UST: variants seen among roughly 807,000 people sequenced by gnomAD.
UST encodes the protein uronyl 2-sulfotransferase.
Under a neutral mutation model 45.6 loss-of-function variants are expected in UST, and 21 were observed. The observed-to-expected ratio is 0.46, with a 90% confidence interval of 0.33 to 0.66. The LOEUF is 0.66. Ranked by LOEUF, UST falls within the 30% of genes least tolerant of loss-of-function variation. The pLI, the probability that UST is intolerant of heterozygous loss-of-function variation, is 0.02. For synonymous variants in UST, 215 were observed against 200.6 expected (o/e 1.07, Z -0.61); for missense variants, 463 against 512.4 (o/e 0.90, Z 0.93).
At chr6:149,056,402 C>T (rs558660201) in intron 7 of UST, among the ~76,000 whole-genome samples, 47 of 152,210 alleles carry the variant, frequency 3.1e-4, no homozygotes, top group Admixed American at 9.2e-4. Flanking sequence ...CCACCGCACC[C>T]GGCCTACCCC....
chr6:148,867,287 C>T (rs73602937), intron 1 of UST, among the ~76,000 whole-genome samples: 6,818 of 37,896 alleles, frequency 0.18, 320 homozygotes, highest in African/African-American at 0.33. Flanking sequence ...TTGTTGAATA[C>T]ACACACACAC....
chr6:148,935,301 A>G (rs1779998080), intron 2 of UST, among the ~76,000 whole-genome samples: 1 of 152,244 alleles, frequency 6.6e-6, no homozygotes, highest in Non-Finnish European at 1.5e-5. Context: ...TGGCCATAAA[A>G]TAGAAATCAC....
chr6:148,780,185 T>C (rs1214252953), intron 1 of UST, among the ~76,000 whole-genome samples: 1 of 152,098 alleles, frequency 6.6e-6, no homozygotes, highest in Non-Finnish European at 1.5e-5. Context: ...GTTCACTGTA[T>C]TGTACTTCAC....
intron 1 of UST, among the ~76,000 whole-genome samples, chr6:148,751,790 A>C (rs1420774561): frequency 6.6e-6 from 1 of 152,224 alleles, no homozygotes; most frequent in East Asian, 1.9e-4. Flanking sequence ...GAAAACAAAC[A>C]AAAAATCAAA....
chr6:149,021,806 C>T (rs1775985147), intron 7 of UST, among the ~76,000 whole-genome samples: 1 of 152,174 alleles, frequency 6.6e-6, no homozygotes, highest in Non-Finnish European at 1.5e-5. Context: ...TTTCCATCAG[C>T]CTTGTCTTGA....
intron 1 of UST, among the ~76,000 whole-genome samples, chr6:148,760,046 C>G (rs1260529301): frequency 6.6e-6 from 1 of 151,946 alleles, no homozygotes; most frequent in Admixed American, 6.6e-5. Flanking sequence ...TTCTTTGGAC[C>G]CAAACACTTA....
chr6:148,802,019 C>G (rs948216097), intron 1 of UST, among the ~76,000 whole-genome samples: 8 of 152,226 alleles, frequency 5.3e-5, no homozygotes, highest in African/African-American at 1.9e-4. Context: ...TAATACCTCA[C>G]AGACCCTTAA....
Position 148,765,898 on chromosome 6 carries a change from A to G in UST, c.247+18221A>G, listed in dbSNP as rs902426863. ...CTTCTACTATTATGTTGAATAGTGT[A>G]GTGGGAGTTGGCATTCTTGTCTTGT... On this transcript the variant is annotated intron_variant, in intron 1 of 7. Coordinates refer to ENST00000367463, the MANE Select transcript of UST (RefSeq NM_005715.3). Among the ~76,000 whole-genome samples, 3 of 152,164 alleles carry G rather than the reference A, an allele frequency of 2.0e-5. No individual in the cohort carries two copies. In the East Asian group the frequency reaches 5.8e-4, roughly 29 times the overall value.
chr6:149,029,189 G>C (rs1776097483), intron 7 of UST, among the ~76,000 whole-genome samples: 1 of 151,876 alleles, frequency 6.6e-6, no homozygotes, highest in African/African-American at 2.4e-5. Context: ...ATTGATTGCA[G>C]TAGTTCAAAC....
At chr6:148,952,793 A>G (rs1317907099) in intron 3 of UST, among the ~76,000 whole-genome samples, 1 of 152,236 alleles carries the variant, frequency 6.6e-6, no homozygotes, top group African/African-American at 2.4e-5. Flanking sequence ...ACATTCATCC[A>G]AAGTAGCAAG....
At chr6:149,043,896 A>G (rs906570893) in intron 7 of UST, among the ~76,000 whole-genome samples, 30 of 152,260 alleles carry the variant, frequency 2.0e-4, no homozygotes, top group African/African-American at 7.2e-4. Context: ...TCACCAACTC[A>G]GAATCAGTCC....
Position 149,017,817 on chromosome 6 carries a change from C to T in UST, c.682-1322C>T, listed in dbSNP as rs1346837700. On this transcript the variant is annotated intron_variant, in intron 5 of 7. Transcript: ENST00000367463. ...CCATATATACACACACACACACACA[C>T]ACACACACACACACACACACATCTG... Among the ~76,000 whole-genome samples the T allele has an allele frequency of 9.2e-3, 1,391 of 151,478 alleles. 32 individuals are homozygous for T. The highest frequency in any genetic ancestry group is 0.032 in the African/African-American group (1,332 of 41,026).
At chr6:148,887,703 C>T (rs1289151558) in intron 2 of UST, among the ~76,000 whole-genome samples, 1 of 152,136 alleles carries the variant, frequency 6.6e-6, no homozygotes, top group Non-Finnish European at 1.5e-5. Context: ...AACCGTATGT[C>T]CCTTGTACTT....
intron 7 of UST, among the ~76,000 whole-genome samples, chr6:149,033,789 A>G (rs1776190659): frequency 6.6e-6 from 1 of 152,070 alleles, no homozygotes; most frequent in African/African-American, 2.4e-5. Flanking sequence ...CTAGGATTTT[A>G]CCTCCCTGCA....
In UST at chr6:149,074,491, A is replaced by G; in HGVS notation, c.*375A>G. The G allele has an allele frequency of 4.4e-6, 1 of 226,288 alleles. No individual in the cohort carries two copies. Among genetic ancestry groups the G allele is most frequent in the Non-Finnish European group, 8.8e-6 (1 of 113,388 alleles). 14.0% of individuals were successfully genotyped at this position (226,288 alleles called of 1,614,324 possible). On this transcript the variant is annotated 3_prime_UTR_variant, in exon 8 of 8. Transcript: ENST00000367463. The stretch of plus-strand genomic sequence containing the variant: ...TACCTCAATGGTAGGAGACATCCAG[A>G]CTTGTATATTTCAGTGGAAATACAA...
chr6:148,853,833 G>A (rs957973871), intron 1 of UST, among the ~76,000 whole-genome samples: 1 of 152,022 alleles, frequency 6.6e-6, no homozygotes, highest in African/African-American at 2.4e-5. Context: ...AAAGCCATTT[G>A]TTCTTCAACA....
At chr6:149,070,107 G>A (rs1340167301) in intron 7 of UST, among the ~76,000 whole-genome samples, 2 of 152,064 alleles carry the variant, frequency 1.3e-5, no homozygotes, top group African/African-American at 4.8e-5. Context: ...TTAAATCACA[G>A]GAGTCTTACT....
intron 1 of UST, among the ~76,000 whole-genome samples, chr6:148,805,232 A>G (rs1777125389): frequency 6.6e-6 from 1 of 152,164 alleles, no homozygotes; most frequent in South Asian, 2.1e-4. Flanking sequence ...TCATTATGCA[A>G]TTTGGTTGTT....
intron 2 of UST, among the ~76,000 whole-genome samples, chr6:148,890,973 GT>G (rs1414464328): frequency 6.6e-6 from 1 of 152,174 alleles, no homozygotes; most frequent in African/African-American, 2.4e-5. Flanking sequence ...GCACGCATAT[GT>G]TTGTATGTAT....
Sources: gnomAD v4.1 joint callset for allele counts (sites outside exome capture counted in the v4.1 genomes callset) on GRCh38, gnomAD v4.1.1 for gene constraint, MANE v1.5 for transcripts, NCBI Gene and HGNC (gene_info 2026-07-23, HGNC 2026-07-21) for gene names.